ULK2: variants seen among roughly 807,000 people sequenced by gnomAD.
ULK2 encodes the protein unc-51 like autophagy activating kinase 2.
A neutral mutation model predicts 127.5 loss-of-function variants in ULK2; 76 were observed. That is an observed-to-expected ratio of 0.60 (90% confidence interval 0.50 to 0.72). The LOEUF (loss-of-function observed/expected upper bound fraction) is 0.72, where lower values mean the gene tolerates loss of function less well. ULK2 is among the 30% of genes least tolerant of loss of function. The probability of loss-of-function intolerance (pLI) is 0.00; values close to 1 mark genes in which losing one functional copy is unlikely to be tolerated. For missense variants in ULK2, 1,144 were observed against 1,295.9 expected (o/e 0.88, Z 1.80); for synonymous variants, 452 against 461.9 (o/e 0.98, Z 0.28).
chr17:19,805,102 A>AG (rs140871450), intron 14 of ULK2, among the ~76,000 whole-genome samples: 8,225 of 152,288 alleles, frequency 0.054, 639 homozygotes, highest in African/African-American at 0.16. Context: ...AAAAGTCCAC[A>AG]GGTCAGCAAA....
At chr17:19,839,839 A>G (rs2041695264) in intron 9 of ULK2, among the ~76,000 whole-genome samples, 1 of 152,136 alleles carries the variant, frequency 6.6e-6, no homozygotes, top group Admixed American at 6.6e-5. Context: ...GAAAAGGAGC[A>G]GTCTTCTATC....
At chr17:19,807,777 C>T (rs1422518013) in intron 14 of ULK2, among the ~76,000 whole-genome samples, 1 of 152,094 alleles carries the variant, frequency 6.6e-6, no homozygotes, top group East Asian at 1.9e-4. Context: ...TGCTTATCCC[C>T]GTGGTTCCCA....
Position 19,865,742 on chromosome 17 carries a change from G to T in ULK2, c.177C>A (p.Ile59=). The change falls in exon 2 of 27, where the codon ATC becomes ATA. Residue 59 remains isoleucine, a synonymous_variant. Transcript: ENST00000395544. ...SQILLGKEIK[I]LKELQHENIV... is the part of the protein sequence containing the mutation. ...ACTACATAAAGTAACATACCTTTAA[G>T]ATTTTAATTTCCTTTCCAAGCAGTA... The T allele has an allele frequency of 6.7e-7, 1 of 1,501,098 alleles. No homozygotes were observed. Among genetic ancestry groups the T allele is most frequent in the Non-Finnish European group, 9.2e-7 (1 of 1,090,952 alleles). The allele number at this position is 1,501,098 out of a possible 1,614,324, so 93.0% of individuals were successfully genotyped here.
chr17:19,867,469 A>G lies in ULK2; in HGVS notation c.-52T>C. On this transcript the variant is annotated 5_prime_UTR_variant, in exon 1 of 27. Transcript: ENST00000395544. The stretch of plus-strand genomic sequence containing the variant: ...ACGGGCGGGCGGCGCAGTGCGGCGC[A>G]GGTATCAGCACCGCGGCTCCGCGGG... 1 of 1,486,526 alleles carries G rather than the reference A, an allele frequency of 6.7e-7. No individual in the cohort carries two copies. Among genetic ancestry groups the G allele is most frequent in the South Asian group, 1.2e-5 (1 of 82,344 alleles). The allele number at this position is 1,486,526 out of a possible 1,614,324, so 92.1% of individuals were successfully genotyped here. A position where few individuals can be genotyped will look rare whatever the true frequency, so the allele number is the denominator to read the frequency against.
chr17:19,850,609 G>A (rs71369443), intron 3 of ULK2, among the ~76,000 whole-genome samples: 33,132 of 151,650 alleles, frequency 0.22, 4,402 homozygotes, highest in South Asian at 0.36. Context: ...GGCGGATCAC[G>A]AGGCCAGGAG....
chr17:19,805,806 T>C (rs116066138), intron 14 of ULK2, among the ~76,000 whole-genome samples: 1,807 of 152,258 alleles, frequency 0.012, 34 homozygotes, highest in East Asian at 0.061. Context: ...CGTAACTTCC[T>C]TGAGCCACAG....
intron 12 of ULK2, among the ~76,000 whole-genome samples, chr17:19,819,577 TTC>T (rs1353176735): frequency 6.6e-6 from 1 of 152,190 alleles, no homozygotes; most frequent in African/African-American, 2.4e-5. Context: ...TCAGCCAAAA[TTC>T]TCTCTGATGA....
rs531292708 is a variant in ULK2 at position 19,797,276 on chromosome 17, G to A, written c.1809+120C>T. The A allele has an allele frequency of 1.0e-3, 1,179 of 1,181,190 alleles. 1 individual carries two copies. The highest frequency in any genetic ancestry group is 1.2e-3 in the Non-Finnish European group (1,080 of 880,398). 73.2% of individuals were successfully genotyped at this position (1,181,190 alleles called of 1,614,324 possible). A position where few individuals can be genotyped will look rare whatever the true frequency, so the allele number is the denominator to read the frequency against. On this transcript the variant is annotated intron_variant, in intron 18 of 26. Coordinates refer to ENST00000395544, the MANE Select transcript of ULK2 (RefSeq NM_014683.4). Reference sequence around the variant, plus strand: ...TGTGCCACTGCACTCCAGCCTGGGCGACAAAGCAAGACTCTGTCTCAAAAA... The same window carrying A: ...TGTGCCACTGCACTCCAGCCTGGGCAACAAAGCAAGACTCTGTCTCAAAAA...
chr17:19,801,052 T>C (rs2087386848), intron 16 of ULK2, among the ~76,000 whole-genome samples: 1 of 152,146 alleles, frequency 6.6e-6, no homozygotes, highest in South Asian at 2.1e-4. Flanking sequence ...TGCCACCACA[T>C]GCCTACCAGA....
At chr17:19,812,623 G>C (rs935354713) in intron 13 of ULK2, among the ~76,000 whole-genome samples, 18 of 152,174 alleles carry the variant, frequency 1.2e-4, no homozygotes, top group African/African-American at 4.1e-4. Context: ...GCTCGCTGCT[G>C]CCACCCAGCA....
chr17:19,865,071 A>ATT (rs112412378), intron 2 of ULK2, among the ~76,000 whole-genome samples: 5,852 of 152,248 alleles, frequency 0.038, 364 homozygotes, highest in African/African-American at 0.13. Context: ...AATTCTTAAA[A>ATT]AAGAGCTCTC....
intron 3 of ULK2, among the ~76,000 whole-genome samples, chr17:19,852,801 T>TTTGTTG (rs1169484249): frequency 6.6e-6 from 1 of 151,190 alleles, no homozygotes; most frequent in African/African-American, 2.4e-5. Context: ...TGGCTAGTTT[T>TTTGTTG]TTGTTGTTGT....
At chr17:19,824,137 C>G (rs1461524980) in intron 12 of ULK2, among the ~76,000 whole-genome samples, 3 of 152,120 alleles carry the variant, frequency 2.0e-5, no homozygotes, top group African/African-American at 7.2e-5. Flanking sequence ...TTATGGCTCC[C>G]CTATCTTTCT....
intron 23 of ULK2, 138 bp from the exon 24 acceptor site, chr17:19,781,242 CTTT>C (rs200296663): frequency 0.013 from 6,224 of 463,088 alleles, no homozygotes; most frequent in East Asian, 0.023. Flanking sequence ...TCTTTCTTTT[CTTT>C]TTTTTTTTTT....
intron 8 of ULK2, 106 bp from the exon 9 acceptor site, chr17:19,841,653 A>G: frequency 1.2e-6 from 1 of 808,796 alleles, no homozygotes; most frequent in South Asian, 2.0e-5. Flanking sequence ...AGGGAGTGGG[A>G]GTTTCAAGGA....
chr17:19,834,631 G>A (rs1396075783), intron 10 of ULK2, among the ~76,000 whole-genome samples: 2 of 152,108 alleles, frequency 1.3e-5, no homozygotes, highest in African/African-American at 4.8e-5. Context: ...GTAATCTAAG[G>A]CTGGGCATGA....
intron 3 of ULK2, among the ~76,000 whole-genome samples, chr17:19,863,502 T>G (rs998428255): frequency 1.3e-5 from 2 of 151,074 alleles, no homozygotes; most frequent in Admixed American, 6.6e-5. Flanking sequence ...TCTAGTTTTT[T>G]TTTTTTTTTT....
intron 5 of ULK2, among the ~76,000 whole-genome samples, chr17:19,848,735 C>G (rs2041951490): frequency 6.6e-6 from 1 of 151,950 alleles, no homozygotes; most frequent in Non-Finnish European, 1.5e-5. Flanking sequence ...CAAGAATGCA[C>G]CACTGCACTG....
At chr17:19,843,049 T>C in intron 8 of ULK2, 72 bp downstream of exon 8, 1 of 1,259,302 alleles carries the variant, frequency 7.9e-7, no homozygotes, top group Non-Finnish European at 1.2e-6. Flanking sequence ...GTATTCTTCA[T>C]TTTACAAATC....
Sources: gnomAD v4.1 joint callset for allele counts (sites outside exome capture counted in the v4.1 genomes callset) on GRCh38, gnomAD v4.1.1 for gene constraint, MANE v1.5 for transcripts, NCBI Gene and HGNC (gene_info 2026-07-23, HGNC 2026-07-21) for gene names.